The following TAF1 variants were observed in gnomAD, a reference collection of about 807,000 sequenced individuals.
TAF1 encodes transcription initiation factor TFIID subunit 1.
A neutral mutation model predicts 138.5 loss-of-function variants in TAF1; 2 were observed. The ratio of observed to expected loss-of-function variants is 0.01; its 90% CI spans 0.01 to 0.05. The LOEUF (loss-of-function observed/expected upper bound fraction) is 0.05, where lower values mean the gene tolerates loss of function less well. Among genes scored for constraint, TAF1 ranks in the 10% least tolerant of loss-of-function variants. The pLI, the probability that TAF1 is intolerant of heterozygous loss-of-function variation, is 1.00. For synonymous variants in TAF1, 437 were observed against 503.2 expected, an observed-to-expected ratio of 0.87 and a Z score of 1.76; for missense variants, 709 against 1,478.0, an observed-to-expected ratio of 0.48 and a Z score of 8.53.
At position 71,459,715 on chromosome X, in the gene TAF1, C is replaced by T; in HGVS notation, c.5221+7C>T. On this transcript the variant is annotated splice_region_variant and intron_variant, in intron 36 of 37. Transcript: ENST00000423759. The stretch of plus-strand genomic sequence containing the variant: ...GGAGACAATCCTTTCTCTGGTAGGC[C>T]TCAACCATTGCTTCTATTCCTTTAT... 4 of 1,210,057 alleles carry T rather than the reference C, an allele frequency of 3.3e-6. No homozygotes were observed. The highest frequency in any genetic ancestry group is 4.5e-6 in the Non-Finnish European group (4 of 894,582).
chrX:71,389,821 TATATC>T lies in TAF1; in HGVS notation c.2781+158_2781+162del. 6 of 388,451 alleles carry T rather than the reference TATATC, an allele frequency of 1.5e-5. No individual in the cohort carries two copies. In the East Asian group the frequency reaches 2.8e-4, roughly 18 times the overall value. The allele number at this position is 388,451 out of a possible 1,213,427, so 32.0% of individuals were successfully genotyped here. ...ATTCATGCCAGAAAAAATGATGCGA[TATATC>T]AAATATTATATTTTATATGATATGG... On this transcript the variant is annotated intron_variant, in intron 18 of 37. Transcript: ENST00000423759.
intron 36 of TAF1, among the ~76,000 whole-genome samples, chrX:71,460,418 G>A (rs2038500474): frequency 8.9e-6 from 1 of 112,347 alleles, no homozygotes; most frequent in African/African-American, 3.2e-5. Context: ...AGATGGAAAA[G>A]GAAATTGTTA....
chrX:71,425,459 C>A (rs1342298440), intron 32 of TAF1, among the ~76,000 whole-genome samples: 2 of 110,963 alleles, frequency 1.8e-5, no homozygotes, highest in African/African-American at 6.6e-5. Flanking sequence ...ATAGCAAGAC[C>A]TTCCTTGTCT....
At chrX:71,379,105 ATTTTTTTT>A (rs916740866) in intron 8 of TAF1, 74 bp downstream of exon 8, 9 of 487,536 alleles carry the variant, frequency 1.8e-5, no homozygotes, top group Middle Eastern at 7.0e-4. Flanking sequence ...CTCAGCTGTG[ATTTTTTTT>A]TTTTTTTTTT....
At chrX:71,453,351 G>A (rs974748127) in intron 32 of TAF1, among the ~76,000 whole-genome samples, 1 of 108,594 alleles carries the variant, frequency 9.2e-6, no homozygotes, top group African/African-American at 3.4e-5. Flanking sequence ...TTTAGGCCAG[G>A]AGTTCAAGAC....
intron 9 of TAF1, 137 bp from the exon 10 acceptor site, chrX:71,382,399 G>C (rs768646179): frequency 4.2e-5 from 36 of 849,963 alleles, no homozygotes; most frequent in South Asian, 8.5e-5. Context: ...AGTTACCTGG[G>C]GGGGGGTGGG....
intron 13 of TAF1, among the ~76,000 whole-genome samples, chrX:71,517,738 G>A (rs1456879888): frequency 8.9e-6 from 1 of 112,143 alleles, no homozygotes; most frequent in African/African-American, 3.2e-5. Context: ...TCCATGGAAA[G>A]TGTAAGAAAA....
At chrX:71,411,498 ATAAAG>A (rs199924170) in intron 28 of TAF1, among the ~76,000 whole-genome samples, 1,721 of 111,864 alleles carry the variant, frequency 0.015, 28 homozygotes, top group African/African-American at 0.054. Context: ...AAAAAAAAAG[ATAAAG>A]TAGAGATGTT....
chrX:71,386,989 A>G (rs2034270155), intron 14 of TAF1: 1 of 325,317 alleles, frequency 3.1e-6, no homozygotes, highest in Non-Finnish European at 5.3e-6. Context: ...AATAGCTTAA[A>G]TAGACATGTT....
intron 32 of TAF1, among the ~76,000 whole-genome samples, chrX:71,426,453 C>T (rs1008340412): frequency 3.6e-5 from 4 of 111,860 alleles, no homozygotes; most frequent in African/African-American, 1.3e-4. Context: ...TGGTGGCTCA[C>T]GCCTGTAATC....
chrX:71,447,696 C>CA (rs67753069), intron 32 of TAF1, among the ~76,000 whole-genome samples: 869 of 85,953 alleles, frequency 0.01, 3 homozygotes, highest in African/African-American at 0.027. Context: ...GACACTGTGT[C>CA]AAAAAAAAAA....
intron 32 of TAF1, among the ~76,000 whole-genome samples, chrX:71,437,881 G>T (rs2037223968): frequency 9.9e-6 from 1 of 101,317 alleles, no homozygotes; most frequent in South Asian, 4.8e-4. Context: ...TGTTTCCTAG[G>T]CTGGAGTGCA....
chrX:71,426,517 A>G (rs957884704), intron 32 of TAF1, among the ~76,000 whole-genome samples: 2 of 111,271 alleles, frequency 1.8e-5, no homozygotes, highest in Non-Finnish European at 3.8e-5. Flanking sequence ...GGAGTTTGAG[A>G]CCAGGCTGAC....
intron 32 of TAF1, among the ~76,000 whole-genome samples, chrX:71,439,640 G>A (rs969135119): frequency 8.9e-5 from 10 of 111,907 alleles, no homozygotes; most frequent in Admixed American, 7.6e-4. Flanking sequence ...TACTTATTAC[G>A]CTGCTCTCAG....
chrX:71,438,995 A>G (rs1435860266), intron 32 of TAF1, among the ~76,000 whole-genome samples: 1 of 110,513 alleles, frequency 9.0e-6, no homozygotes, highest in East Asian at 2.8e-4. Context: ...TTTTCCTCCC[A>G]CCTCTTAAAC....
chrX:71,395,287 T>C (rs892874198), intron 22 of TAF1, among the ~76,000 whole-genome samples: 2 of 111,322 alleles, frequency 1.8e-5, no homozygotes, highest in Admixed American at 9.6e-5. Flanking sequence ...AGTGAGAGGA[T>C]CATATGAGCC....
chrX:71,430,317 G>A (rs1032068021), intron 32 of TAF1, among the ~76,000 whole-genome samples: 4 of 106,054 alleles, frequency 3.8e-5, no homozygotes, highest in Non-Finnish European at 7.7e-5. Context: ...CCGGGAGGCC[G>A]AGCTTGCTGT....
chrX:71,503,324 GTGTGTA>G (rs1171278846), intron 13 of TAF1, among the ~76,000 whole-genome samples: 3 of 92,772 alleles, frequency 3.2e-5, no homozygotes, highest in African/African-American at 1.3e-4. Context: ...ATATATATGT[GTGTGTA>G]TATATATATA....
intron 13 of TAF1, among the ~76,000 whole-genome samples, chrX:71,477,778 G>T (rs986910471): frequency 9.0e-6 from 1 of 111,546 alleles, no homozygotes; most frequent in Non-Finnish European, 1.9e-5. Flanking sequence ...TGGATCACTC[G>T]AGGTCAGGAG....
Sources: allele counts gnomAD v4.1 joint callset (sites outside exome capture counted in the v4.1 genomes callset), GRCh38; gene constraint gnomAD v4.1.1; transcripts MANE v1.5; gene names NCBI Gene and HGNC (gene_info 2026-07-23, HGNC 2026-07-21).